DENND5B: variants seen among roughly 807,000 people sequenced by gnomAD.
The protein encoded by DENND5B is DENN domain-containing protein 5B.
DENND5B carries 34 observed loss-of-function variants against 140.6 expected under a neutral mutation model. That is an observed-to-expected ratio of 0.24 (90% CI 0.18 to 0.32). The LOEUF (loss-of-function observed/expected upper bound fraction) is 0.32. Ranked by LOEUF, DENND5B falls within the 10% of genes least tolerant of loss-of-function variation. The probability of loss-of-function intolerance (pLI) is 1.00; values close to 1 mark genes in which losing one functional copy is unlikely to be tolerated. For synonymous variants in DENND5B, 551 were observed against 562.1 expected, an observed-to-expected ratio of 0.98 and a Z score of 0.28; for missense variants, 1,142 against 1,560.2, an observed-to-expected ratio of 0.73 and a Z score of 4.52.
intron 1 of DENND5B, among the ~76,000 whole-genome samples, chr12:31,534,506 C>T (rs1429502380): frequency 3.3e-5 from 5 of 151,978 alleles, no homozygotes; most frequent in Admixed American, 2.0e-4. Context: ...ACGAGCTCCA[C>T]AAAAATAATT....
intron 1 of DENND5B, among the ~76,000 whole-genome samples, chr12:31,572,537 CTCAAA>C (rs578240478): frequency 7.6e-5 from 3 of 39,454 alleles, no homozygotes; most frequent in Non-Finnish European, 1.3e-4. Context: ...TTTACTCTTT[CTCAAA>C]AAAAAAAAAA....
At chr12:31,427,403 G>T (rs867581379) in intron 8 of DENND5B, among the ~76,000 whole-genome samples, 1 of 136,314 alleles carries the variant, frequency 7.3e-6, no homozygotes, top group Non-Finnish European at 1.6e-5. Context: ...TCAGGAGCAC[G>T]TGACCAGCCT....
chr12:31,446,937 C>G (rs1029443221), intron 6 of DENND5B, among the ~76,000 whole-genome samples: 3 of 149,526 alleles, frequency 2.0e-5, no homozygotes, highest in African/African-American at 7.4e-5. Context: ...AGTAGCAAGA[C>G]AGAAATTAAC....
chr12:31,451,642 C>T (rs529000245), intron 5 of DENND5B: 2 of 310,532 alleles, frequency 6.4e-6, no homozygotes, highest in East Asian at 1.7e-4. Context: ...ATAATTTAAG[C>T]ATCTTTAAGG....
At chr12:31,427,057 T>C (rs969383794) in intron 8 of DENND5B, among the ~76,000 whole-genome samples, 12 of 152,194 alleles carry the variant, frequency 7.9e-5, no homozygotes, top group Non-Finnish European at 1.6e-4. Context: ...AGGATCACTC[T>C]GAAAAGCACG....
intron 1 of DENND5B, among the ~76,000 whole-genome samples, chr12:31,500,130 G>A (rs906085589): frequency 6.6e-6 from 1 of 152,124 alleles, no homozygotes; most frequent in Non-Finnish European, 1.5e-5. Flanking sequence ...TAGAAAATTG[G>A]AATACTGGCA....
In DENND5B at chr12:31,384,885, G is replaced by C. The variant is rs1940783072; in HGVS notation, c.*2718C>G. On this transcript the variant is annotated 3_prime_UTR_variant, in exon 21 of 21. Transcript: ENST00000389082. ...GTGTTTAAACGATTCTCCTGCTTCA[G>C]CCTCCTGAGTAGCTGGAATTACAGG... 6.6e-6 allele frequency: 1 copy of C among 151,038 alleles called. No homozygotes were observed. Among genetic ancestry groups the C allele is most frequent in the African/African-American group, 2.4e-5 (1 of 41,100 alleles). 9.4% of individuals were successfully genotyped at this position (151,038 alleles called of 1,614,324 possible). A position where few individuals can be genotyped will look rare whatever the true frequency, so the allele number is the denominator to read the frequency against.
At position 31,553,813 on chromosome 12, in the gene DENND5B, T is replaced by C. The variant is rs1229690000; in HGVS notation, c.127+36893A>G. Among the ~76,000 whole-genome samples, 10 of 152,362 alleles carry C rather than the reference T, an allele frequency of 6.6e-5. No individual in the cohort carries two copies. In the East Asian group the frequency reaches 1.7e-3, roughly 26 times the overall value. The stretch of plus-strand genomic sequence containing the variant: ...TGTTGAATTGATCCCTTTACCATTA[T>C]GTAATGGCCTTCTTTGTCTCTTTTG... On this transcript the variant is annotated intron_variant, in intron 1 of 20. Transcript: ENST00000389082.
At chr12:31,475,087 T>C (rs1487794952) in intron 3 of DENND5B, among the ~76,000 whole-genome samples, 1 of 152,134 alleles carries the variant, frequency 6.6e-6, no homozygotes, top group Non-Finnish European at 1.5e-5. Context: ...GATTACTTAG[T>C]TTCCCCAAGC....
At chr12:31,568,786 A>G (rs1388198719) in intron 1 of DENND5B, among the ~76,000 whole-genome samples, 2 of 152,150 alleles carry the variant, frequency 1.3e-5, no homozygotes, top group South Asian at 2.1e-4. Context: ...TGAACCAGCC[A>G]AATTCCTTTA....
At chr12:31,574,775 C>A (rs1427487243) in intron 1 of DENND5B, among the ~76,000 whole-genome samples, 1 of 152,198 alleles carries the variant, frequency 6.6e-6, no homozygotes, top group Non-Finnish European at 1.5e-5. Context: ...TAAACGGGTC[C>A]TGTCAGTCCT....
At chr12:31,444,956 C>G (rs563124124) in intron 6 of DENND5B, among the ~76,000 whole-genome samples, 1 of 152,242 alleles carries the variant, frequency 6.6e-6, no homozygotes, top group Non-Finnish European at 1.5e-5. Flanking sequence ...CCCTTACATA[C>G]GCTAAAGCTT....
Position 31,590,986 on chromosome 12 carries a change from T to C in DENND5B, c.-154A>G. On this transcript the variant is annotated 5_prime_UTR_variant, in exon 1 of 21. Transcript: ENST00000389082. ...GCAGCCGCCTCTCGCCGCCGCAGCC[T>C]GCCTCCTCGCTCGGCGCGGGGGAAG... 1 of 857,962 alleles carries C rather than the reference T, an allele frequency of 1.2e-6. No homozygotes were observed. Among genetic ancestry groups the C allele is most frequent in the African/African-American group, 1.8e-5 (1 of 54,774 alleles). The allele number at this position is 857,962 out of a possible 1,614,324, so 53.1% of individuals were successfully genotyped here.
intron 3 of DENND5B, among the ~76,000 whole-genome samples, chr12:31,462,102 G>A (rs1186145149): frequency 2.0e-5 from 3 of 152,024 alleles, no homozygotes; most frequent in Admixed American, 6.6e-5. Context: ...ATAACTTCTA[G>A]AACAAACACC....
In DENND5B at chr12:31,409,350, C is replaced by T. The variant is rs1057044419; in HGVS notation, c.2716G>A (p.Glu906Lys). Reference sequence around the variant, plus strand: ...TAAAGAAACTGCTCTCTTTCTTCTTCGCAACGTAGAAAAGCATATCGCTTA... The same window carrying T: ...TAAAGAAACTGCTCTCTTTCTTCTTTGCAACGTAGAAAAGCATATCGCTTA... ...LYKRYAFLRC[E>K]EEREQFLYHL... is the part of the protein sequence containing the mutation. Residue 906 changes from glutamate (E) to lysine (K), a missense_variant, in exon 14 of 21, where the codon GAA becomes AAA. Glu to Lys is a moderately conservative substitution (Grantham distance 56). This residue lies in a region of DENND5B where 268 missense variants were observed against 349.2 expected (regional missense o/e 0.77). Coordinates refer to ENST00000389082, the MANE Select transcript of DENND5B (RefSeq NM_144973.4). The T allele has an allele frequency of 4.5e-6, 7 of 1,560,680 alleles. No homozygotes were observed. In the African/African-American group the frequency reaches 5.5e-5, roughly 12 times the overall value.
At chr12:31,587,526 C>CTTTTTTTTT (rs71460995) in intron 1 of DENND5B, among the ~76,000 whole-genome samples, 2 of 75,038 alleles carry the variant, frequency 2.7e-5, no homozygotes, top group Non-Finnish European at 5.2e-5. Context: ...CCACAAATAC[C>CTTTTTTTTT]TTTTTTTTTT....
chr12:31,493,509 C>G (rs1946612768), intron 2 of DENND5B, among the ~76,000 whole-genome samples: 1 of 151,932 alleles, frequency 6.6e-6, no homozygotes, highest in Admixed American at 6.6e-5. Context: ...GCCTGGCCAA[C>G]ATAGCAAAAC....
At chr12:31,420,558 C>T (rs1942973042) in intron 11 of DENND5B, among the ~76,000 whole-genome samples, 1 of 151,980 alleles carries the variant, frequency 6.6e-6, no homozygotes, top group Non-Finnish European at 1.5e-5. Flanking sequence ...ATACTCATGC[C>T]TCAGCCTCCT....
chr12:31,560,096 T>A (rs1949423129), intron 1 of DENND5B, among the ~76,000 whole-genome samples: 1 of 152,290 alleles, frequency 6.6e-6, no homozygotes, highest in African/African-American at 2.4e-5. Flanking sequence ...TTTAAATATT[T>A]TGCCTCCATA....
Sources: allele counts gnomAD v4.1 joint callset (sites outside exome capture counted in the v4.1 genomes callset), GRCh38; gene constraint gnomAD v4.1.1; regional missense constraint gnomAD v4.1.1; transcripts MANE v1.5; gene names NCBI Gene and HGNC (gene_info 2026-07-23, HGNC 2026-07-21).